MECOM: variants seen among roughly 807,000 people sequenced by gnomAD.
MECOM encodes the protein histone-lysine N-methyltransferase MECOM.
A neutral mutation model predicts 116.3 loss-of-function variants in MECOM; 13 were observed. That is an observed-to-expected ratio of 0.11 (90% confidence interval 0.07 to 0.18). The LOEUF is 0.18. Ranked by LOEUF, MECOM falls within the 10% of genes least tolerant of loss-of-function variation. MECOM has a pLI of 1.00. For missense variants in MECOM, 1,299 were observed against 1,509.0 expected (o/e 0.86, Z 2.31); for synonymous variants, 528 against 535.2 (o/e 0.99, Z 0.19).
chr3:169,627,955 A>C (rs1387949942), intron 1 of MECOM, among the ~76,000 whole-genome samples: 1 of 152,234 alleles, frequency 6.6e-6, no homozygotes, highest in African/African-American at 2.4e-5. Context: ...GGCGGGCCTC[A>C]AGCCTGCCTG....
intron 2 of MECOM, among the ~76,000 whole-genome samples, chr3:169,162,793 G>T (rs1325639668): frequency 6.6e-6 from 1 of 152,136 alleles, no homozygotes; most frequent in Non-Finnish European, 1.5e-5. Context: ...TCAGTGCTGG[G>T]TGAATCTGTC....
chr3:169,436,214 C>CAA (rs909821114), intron 1 of MECOM, among the ~76,000 whole-genome samples: 1 of 110,168 alleles, frequency 9.1e-6, no homozygotes, highest in Non-Finnish European at 1.9e-5. Context: ...GTCTATGACG[C>CAA]AAAAAAAAAA....
At chr3:169,298,158 T>C (rs1304302322) in intron 2 of MECOM, among the ~76,000 whole-genome samples, 1 of 152,184 alleles carries the variant, frequency 6.6e-6, no homozygotes, top group Non-Finnish European at 1.5e-5. Context: ...CTCTGTGTTA[T>C]AAAAATGTCT....
At chr3:169,641,644 AG>A (rs755575654) in intron 1 of MECOM, among the ~76,000 whole-genome samples, 18 of 152,358 alleles carry the variant, frequency 1.2e-4, no homozygotes, top group Admixed American at 5.2e-4. Flanking sequence ...TAGTTAACAA[AG>A]CATTCTCCAA....
intron 1 of MECOM, among the ~76,000 whole-genome samples, chr3:169,510,405 C>T (rs1755832777): frequency 6.6e-6 from 1 of 152,188 alleles, no homozygotes; most frequent in African/African-American, 2.4e-5. Flanking sequence ...CACTTGCCCT[C>T]CCAAGGATGG....
chr3:169,575,062 A>AG (rs1764330560), intron 1 of MECOM, among the ~76,000 whole-genome samples: 1 of 152,194 alleles, frequency 6.6e-6, no homozygotes, highest in Non-Finnish European at 1.5e-5. Context: ...GACCCTTCTT[A>AG]ACTAGTAAAA....
chr3:169,627,395 T>C (rs1771517452), intron 1 of MECOM, among the ~76,000 whole-genome samples: 1 of 152,216 alleles, frequency 6.6e-6, no homozygotes, highest in Non-Finnish European at 1.5e-5. Flanking sequence ...TGGAGTGACA[T>C]TACCCAGCAG....
At chr3:169,147,447 T>A in intron 2 of MECOM, 1 of 985,438 alleles carries the variant, frequency 1.0e-6, no homozygotes. Context: ...GAAAGGGAGC[T>A]ATCTCCCGCC....
intron 2 of MECOM, among the ~76,000 whole-genome samples, chr3:169,182,785 T>A (rs1351396932): frequency 1.3e-5 from 2 of 152,126 alleles, no homozygotes; most frequent in African/African-American, 4.8e-5. Flanking sequence ...GATCTTCAGA[T>A]ATATTGAGAA....
rs146820790 is a variant in MECOM, at chr3:169,629,516, A to G, written c.37+33820T>C. On this transcript the variant is annotated intron_variant, in intron 1 of 16. Transcript: ENST00000651503. The stretch of plus-strand genomic sequence containing the variant: ...TAAATGTTTACTCAGTTAATACTAA[A>G]TAGTAAACTAATAACAACTCTACTC... Among the ~76,000 whole-genome samples the G allele has an allele frequency of 1.1e-3, 175 of 152,290 alleles. 1 individual carries two copies. Among genetic ancestry groups the G allele is most frequent in the African/African-American group, 4.0e-3 (166 of 41,564 alleles).
intron 2 of MECOM, among the ~76,000 whole-genome samples, chr3:169,375,090 T>C (rs1310845324): frequency 2.0e-5 from 3 of 151,756 alleles, no homozygotes; most frequent in African/African-American, 7.3e-5. Context: ...AGAAGCAAAC[T>C]TGAGGAATGA....
intron 1 of MECOM, among the ~76,000 whole-genome samples, chr3:169,654,041 A>G (rs1347632114): frequency 6.6e-6 from 1 of 152,214 alleles, no homozygotes; most frequent in South Asian, 2.1e-4. Context: ...ATGGTTCATC[A>G]CTACTCAGAA....
At chr3:169,365,556 G>A (rs1194173806) in intron 2 of MECOM, among the ~76,000 whole-genome samples, 1 of 151,940 alleles carries the variant, frequency 6.6e-6, no homozygotes, top group Non-Finnish European at 1.5e-5. Context: ...ATGGCATTGT[G>A]GTACATTTCT....
chr3:169,500,553 T>C (rs1167745461), intron 1 of MECOM, among the ~76,000 whole-genome samples: 1 of 152,006 alleles, frequency 6.6e-6, no homozygotes, highest in Non-Finnish European at 1.5e-5. Context: ...GACATTTTCT[T>C]TTCTAAACAA....
intron 2 of MECOM, among the ~76,000 whole-genome samples, chr3:169,166,789 T>C (rs1743664811): frequency 6.6e-6 from 1 of 152,154 alleles, no homozygotes; most frequent in Admixed American, 6.6e-5. Context: ...GTAAACTGCT[T>C]GGCAAAAAAA....
intron 15 of MECOM, 58 bp downstream of exon 15, chr3:169,089,942 T>C (rs540848924): frequency 5.9e-6 from 9 of 1,538,334 alleles, no homozygotes; most frequent in African/African-American, 5.5e-5. Context: ...ACAGGAGGAA[T>C]TGCAACCGTA....
At chr3:169,296,858 A>G (rs185351832) in intron 2 of MECOM, among the ~76,000 whole-genome samples, 35 of 152,336 alleles carry the variant, frequency 2.3e-4, no homozygotes, top group South Asian at 8.3e-4. Flanking sequence ...AAGCATGCAA[A>G]GAGCATATCA....
intron 2 of MECOM, among the ~76,000 whole-genome samples, chr3:169,161,941 G>C (rs775339996): frequency 6.6e-6 from 1 of 152,178 alleles, no homozygotes; most frequent in African/African-American, 2.4e-5. Context: ...GGTGACTGAA[G>C]CTGCCATTTT....
At chr3:169,101,589 C>A (rs1421745567) in intron 11 of MECOM, among the ~76,000 whole-genome samples, 2 of 150,036 alleles carry the variant, frequency 1.3e-5, no homozygotes, top group African/African-American at 4.9e-5. Context: ...AAATCACACA[C>A]AAAACCAGAA....
Sources: gnomAD v4.1 joint callset for allele counts (sites outside exome capture counted in the v4.1 genomes callset) on GRCh38, gnomAD v4.1.1 for gene constraint, MANE v1.5 for transcripts, NCBI Gene and HGNC (gene_info 2026-07-23, HGNC 2026-07-21) for gene names.